CD276: variants seen among roughly 807,000 people sequenced by gnomAD.
CD276 encodes the protein CD276 molecule.
A neutral mutation model predicts 50.0 loss-of-function variants in CD276; 34 were observed. The observed-to-expected ratio is 0.68, with a 90% confidence interval of 0.52 to 0.91. The LOEUF (loss-of-function observed/expected upper bound fraction) is 0.91, where lower values mean the gene tolerates loss of function less well. CD276 is among the 40% of genes least tolerant of loss of function. The probability of loss-of-function intolerance (pLI) is 0.00; values close to 1 mark genes in which losing one functional copy is unlikely to be tolerated. For missense variants in CD276, 634 were observed against 717.5 expected, an observed-to-expected ratio of 0.88 and a Z score of 1.33; for synonymous variants, 275 against 313.0, an observed-to-expected ratio of 0.88 and a Z score of 1.28.
At chr15:73,698,239 A>G (rs1900248417) in intron 1 of CD276, among the ~76,000 whole-genome samples, 1 of 152,232 alleles carries the variant, frequency 6.6e-6, no homozygotes, top group South Asian at 2.1e-4. Context: ...CACTCAATAC[A>G]GATGTGTTAA....
chr15:73,691,418 C>T (rs376765837), intron 1 of CD276, among the ~76,000 whole-genome samples: 3 of 152,232 alleles, frequency 2.0e-5, no homozygotes, highest in African/African-American at 7.2e-5. Flanking sequence ...AGTCCCAGAC[C>T]GTATCCTTCT....
chr15:73,700,658 A>G (rs1811963175), intron 2 of CD276, among the ~76,000 whole-genome samples: 1 of 152,216 alleles, frequency 6.6e-6, no homozygotes, highest in Non-Finnish European at 1.5e-5. Context: ...ATCTCTAGGT[A>G]CTGCAAAGAT....
chr15:73,708,307 G>T, intron 6 of CD276, 32 bp from the exon 7 acceptor site: 1 of 1,610,328 alleles, frequency 6.2e-7, no homozygotes, highest in South Asian at 1.1e-5. Flanking sequence ...GGCCAGGCAT[G>T]ACAGTCTCAC....
intron 1 of CD276, among the ~76,000 whole-genome samples, chr15:73,695,458 C>G (rs1374814343): frequency 1.3e-5 from 2 of 152,112 alleles, no homozygotes; most frequent in Non-Finnish European, 2.9e-5. Flanking sequence ...TCCAATTCGC[C>G]CTGACCATAT....
chr15:73,712,278 C>T (rs893182244), intron 9 of CD276: 6 of 152,510 alleles, frequency 3.9e-5, no homozygotes, highest in Non-Finnish European at 7.3e-5. Flanking sequence ...CCCTCAGTCT[C>T]TGGCCATGCT....
At chr15:73,708,851 C>A (rs1900762770) in intron 7 of CD276, among the ~76,000 whole-genome samples, 1 of 152,218 alleles carries the variant, frequency 6.6e-6, no homozygotes, top group Non-Finnish European at 1.5e-5. Context: ...TGTAGGCATG[C>A]CAGGGGCGTG....
intron 7 of CD276, 177 bp downstream of exon 7, chr15:73,708,650 G>A: frequency 2.9e-6 from 2 of 680,744 alleles, no homozygotes; most frequent in Non-Finnish European, 5.0e-6. Flanking sequence ...GTGTGAACAA[G>A]CGTGAGCCTG....
Position 73,702,429 on chromosome 15 carries a change from A to C in CD276, c.254A>C (p.Gln85Pro). 6.2e-7 allele frequency: 1 copy of C among 1,613,796 alleles called. No homozygotes were observed. Among genetic ancestry groups the C allele is most frequent in the Non-Finnish European group, 8.5e-7 (1 of 1,180,006 alleles). The change falls in exon 3 of 10, where the codon CAG becomes CCG. Residue 85 changes from glutamine (Q) to proline (P), a missense_variant. Coordinates refer to ENST00000318443, the MANE Select transcript of CD276 (RefSeq NM_001024736.2). ...CACAGCTTTGCTGAGGGCCAGGACC[A>C]GGGCAGCGCCTATGCCAACCGCACG... ...LVHSFAEGQD[Q>P]GSAYANRTAL... is the part of the protein sequence containing the mutation.
At chr15:73,692,874 C>A (rs1034266569) in intron 1 of CD276, among the ~76,000 whole-genome samples, 1 of 152,216 alleles carries the variant, frequency 6.6e-6, no homozygotes, top group Non-Finnish European at 1.5e-5. Flanking sequence ...TAATCTTGTT[C>A]TTAATCCTTG....
chr15:73,712,807 G>A, intron 9 of CD276, 127 bp from the exon 10 acceptor site: 1 of 964,618 alleles, frequency 1.0e-6, no homozygotes. Context: ...TTGGGCTGCT[G>A]TCTCACACAC....
chr15:73,700,690 C>T (rs558147964), intron 2 of CD276, among the ~76,000 whole-genome samples: 1 of 152,198 alleles, frequency 6.6e-6, no homozygotes, highest in East Asian at 1.9e-4. Context: ...GTATGATTCA[C>T]AATAAAAATA....
intron 1 of CD276, among the ~76,000 whole-genome samples, chr15:73,685,453 TTGTGTGTGTGTGTGTGTGTGTGTG>T (rs55859831): frequency 2.3e-5 from 3 of 131,806 alleles, no homozygotes; most frequent in African/African-American, 8.4e-5. Context: ...CAAAAAAGAT[TTGTGTGTGTGTGTGTGTGTGTGTG>T]TGTGTGTGTG....
At position 73,713,924 on chromosome 15, in the gene CD276, A is replaced by C; in HGVS notation, c.*968A>C. 2.6e-6 allele frequency: 1 copy of C among 379,856 alleles called. No homozygotes were observed. The highest frequency in any genetic ancestry group is 5.0e-6 in the Non-Finnish European group (1 of 199,584). The allele number at this position is 379,856 out of a possible 1,614,324, so 23.5% of individuals were successfully genotyped here. ...CGTGGGAAGATAAAGTTCCTCCCTC[A>C]AGGACTCCCCATCCAGCTGGGAGAC... On this transcript the variant is annotated 3_prime_UTR_variant, in exon 10 of 10. Transcript: ENST00000318443.
intron 9 of CD276, chr15:73,712,076 A>C (rs1483957775): frequency 6.9e-6 from 1 of 145,930 alleles, no homozygotes; most frequent in African/African-American, 2.6e-5. Context: ...AATCACTTGA[A>C]CCTGGGAGGC....
rs771503419 is a variant in CD276, at chr15:73,703,638, C to T, written c.734-21C>T. 24 of 1,579,600 alleles carry T rather than the reference C, an allele frequency of 1.5e-5. No homozygotes were observed. The South Asian group carries it at 2.6e-4, about 17-fold the overall frequency. On this transcript the variant is annotated intron_variant, in intron 4 of 9. Transcript: ENST00000318443. Reference sequence around the variant, plus strand: ...AGTCCCATTTCTCCTCACCACCCTGCCCCTCTGACCCCGCCCCCAGGAGCC... The same window carrying T: ...AGTCCCATTTCTCCTCACCACCCTGTCCCTCTGACCCCGCCCCCAGGAGCC...
At chr15:73,690,041 A>C (rs138243856) in intron 1 of CD276, among the ~76,000 whole-genome samples, 1 of 152,360 alleles carries the variant, frequency 6.6e-6, no homozygotes, top group Non-Finnish European at 1.5e-5. Flanking sequence ...AGAAAACAGT[A>C]GCAAACTCTC....
intron 9 of CD276, chr15:73,711,536 C>T (rs776747179): frequency 5.8e-5 from 13 of 223,438 alleles, no homozygotes; most frequent in African/African-American, 9.1e-5. Context: ...TGTGCTCCCA[C>T]GCCCCCTCCA....
chr15:73,702,710 A>T (rs535801324), intron 3 of CD276, 62 bp from the exon 4 acceptor site: 5 of 1,574,486 alleles, frequency 3.2e-6, no homozygotes, highest in Non-Finnish European at 4.3e-6. Flanking sequence ...ACTCAGCCCC[A>T]TGCATCCTTT....
intron 1 of CD276, among the ~76,000 whole-genome samples, chr15:73,691,899 G>C (rs1056115511): frequency 1.3e-5 from 2 of 152,192 alleles, no homozygotes; most frequent in Non-Finnish European, 1.5e-5. Flanking sequence ...GGGATTGCCT[G>C]TCCTGGTGTG....
Sources: allele counts gnomAD v4.1 joint callset (sites outside exome capture counted in the v4.1 genomes callset), GRCh38; gene constraint gnomAD v4.1.1; transcripts MANE v1.5; gene names NCBI Gene and HGNC (gene_info 2026-07-23, HGNC 2026-07-21).